Variants in OVCH2 observed in about 807,000 individuals in gnomAD.
The protein encoded by OVCH2 is ovochymase-2.
OVCH2 carries 88 observed loss-of-function variants against 73.7 expected under a neutral mutation model. The ratio of observed to expected loss-of-function variants is 1.19; its 90% confidence interval spans 1.01 to 1.43. The LOEUF (loss-of-function observed/expected upper bound fraction) is 1.43, where lower values mean the gene tolerates loss of function less well. Among genes scored for constraint, OVCH2 ranks in the 40% most tolerant of loss-of-function variants. The pLI, the probability that OVCH2 is intolerant of heterozygous loss-of-function variation, is 0.00. For synonymous variants in OVCH2, 265 were observed against 234.5 expected, an observed-to-expected ratio of 1.13 and a Z score of -1.19; for missense variants, 706 against 674.5, an observed-to-expected ratio of 1.05 and a Z score of -0.52.
chr11:7,701,504 C>T (rs1159031914), intron 5 of OVCH2, 29 bp from the exon 6 acceptor site: 3 of 1,600,238 alleles, frequency 1.9e-6, no homozygotes, highest in Non-Finnish European at 2.6e-6. Context: ...GAAGCCCCAG[C>T]AGGAACTCTT....
intron 14 of OVCH2, 136 bp from the exon 15 acceptor site, chr11:7,690,149 A>G: frequency 1.6e-6 from 1 of 613,282 alleles, no homozygotes; most frequent in South Asian, 2.3e-5. Context: ...GGTATTTCAA[A>G]TGAGGAGTGG....
At chr11:7,704,528 G>C in intron 2 of OVCH2, 37 bp downstream of exon 2, 3 of 1,372,666 alleles carry the variant, frequency 2.2e-6, no homozygotes, top group Non-Finnish European at 3.1e-6. Context: ...ATAATATCTA[G>C]CACAGTTCTT....
chr11:7,695,556 G>C lies in OVCH2; in HGVS notation c.1282+14C>G, dbSNP rs755109602. ...AGGTGGAGATAGTATGTGATTAAAA[G>C]TAAATGGTTTTACCAGGAATGTAGT... On this transcript the variant is annotated intron_variant, in intron 11 of 15. Transcript: ENST00000533663. 1.2e-5 allele frequency: 20 copies of C among 1,606,466 alleles called. No individual in the cohort carries two copies. The highest frequency in any genetic ancestry group is 1.7e-5 in the Non-Finnish European group (20 of 1,174,390).
chr11:7,695,819 A>G, intron 10 of OVCH2, 109 bp from the exon 11 acceptor site: 2 of 1,409,588 alleles, frequency 1.4e-6, no homozygotes, highest in Non-Finnish European at 1.9e-6. Flanking sequence ...TGTCCAATCC[A>G]AAGTTTCTCA....
At chr11:7,681,987 C>G in the OVCH2 span, among the ~76,000 whole-genome samples, 2 of 151,958 alleles carry the variant, frequency 1.3e-5, no homozygotes. Flanking sequence ...AAAACAGGAG[C>G]TTTTCAGAGA....
chr11:7,701,858 G>T, intron 4 of OVCH2, 47 bp from the exon 5 acceptor site: 3 of 1,496,164 alleles, frequency 2.0e-6, no homozygotes, highest in South Asian at 1.2e-5. Flanking sequence ...TGGAGGAGAG[G>T]ACACTATAAG....
rs113607038 is a variant in OVCH2 at position 7,691,792 on chromosome 11, G to A, written c.1507+110C>T. 700 of 782,344 alleles carry A rather than the reference G, an allele frequency of 8.9e-4. 2 individuals are homozygous for A. The highest frequency in any genetic ancestry group is 4.8e-3 in the African/African-American group (276 of 57,934). 48.5% of individuals were successfully genotyped at this position (782,344 alleles called of 1,614,324 possible). A position where few individuals can be genotyped will look rare whatever the true frequency, so the allele number is the denominator to read the frequency against. ...TGATGGTGAGACCACAGGGAGGGGTGGAGGTGGTGCAGGAAGATGGAGGAA... is the reference window on the plus strand; with the variant it reads ...TGATGGTGAGACCACAGGGAGGGGTAGAGGTGGTGCAGGAAGATGGAGGAA... On this transcript the variant is annotated intron_variant, in intron 13 of 15. Transcript: ENST00000533663.
In OVCH2 at chr11:7,691,966, T is replaced by C; in HGVS notation, c.1443A>G (p.Glu481=). 4 of 1,574,712 alleles carry C rather than the reference T, an allele frequency of 2.5e-6. No homozygotes were observed. Among genetic ancestry groups the C allele is most frequent in the Non-Finnish European group, 3.5e-6 (4 of 1,158,502 alleles). Residue 481 remains glutamate (E), a synonymous_variant, in exon 13 of 16, where the codon GAA becomes GAG. Transcript: ENST00000533663. The part of the protein sequence containing the change: ...KLSFQSLEIE[E]SGDCTSDYVT... Reference sequence around the variant, plus strand: ...CATAGTCGGAAGTGCAGTCTCCACTTTCTTCTATTTCCAGACTCTGAAATG... The same window carrying C: ...CATAGTCGGAAGTGCAGTCTCCACTCTCTTCTATTTCCAGACTCTGAAATG...
chr11:7,681,385 G>T, the OVCH2 span, among the ~76,000 whole-genome samples: 4 of 152,148 alleles, frequency 2.6e-5, no homozygotes, highest in Non-Finnish European at 5.9e-5. Context: ...CAACATAAAT[G>T]TGCCCATGGA....
At position 7,700,285 on chromosome 11, in the gene OVCH2, G is replaced by A. The variant is rs1295136884; in HGVS notation, c.901+11C>T. The stretch of plus-strand genomic sequence containing the variant: ...TGGCAGCTTCTTAACCTTGTGTGAT[G>A]GCTTAGTTACCAGTTTGGATGTGTT... On this transcript the variant is annotated intron_variant, in intron 7 of 15. Transcript: ENST00000533663. The A allele has an allele frequency of 1.2e-6, 2 of 1,612,202 alleles. No individual in the cohort carries two copies. Among genetic ancestry groups the A allele is most frequent in the South Asian group, 2.2e-5 (2 of 90,914 alleles).
intron 14 of OVCH2, among the ~76,000 whole-genome samples, chr11:7,690,396 T>A (rs1856198442): frequency 6.6e-6 from 1 of 152,224 alleles, no homozygotes; most frequent in East Asian, 1.9e-4. Flanking sequence ...GCCAAGTGTA[T>A]CTTATCTGAT....
intron 1 of OVCH2, chr11:7,705,616 G>C (rs1856516334): frequency 6.6e-6 from 1 of 152,202 alleles, no homozygotes; most frequent in Non-Finnish European, 1.5e-5. Flanking sequence ...GAGAATCAAG[G>C]AGACACACAG....
In OVCH2 at chr11:7,702,332, AT is replaced by A. The variant is rs769954967; in HGVS notation, c.291-4del. 1 of 1,581,066 alleles carries A rather than the reference AT, an allele frequency of 6.3e-7. No homozygotes were observed. The highest frequency in any genetic ancestry group is 8.6e-7 in the Non-Finnish European group (1 of 1,167,338). On this transcript the variant is annotated splice_polypyrimidine_tract_variant and splice_region_variant and intron_variant, in intron 3 of 15. Coordinates refer to ENST00000533663, the MANE Select transcript of OVCH2 (RefSeq NM_198185.7). ...CATTCAAAGTAGACACAATGTTTCT[AT>A]GGAAAGCAAAGAGTAAAATGAATGA...
chr11:7,695,735 T>A, intron 10 of OVCH2, 25 bp from the exon 11 acceptor site: 1 of 1,581,770 alleles, frequency 6.3e-7, no homozygotes, highest in Non-Finnish European at 8.6e-7. Flanking sequence ...AAAAGGATTC[T>A]TTGTTCAGAA....
chr11:7,695,276 T>A (rs1457641467), intron 11 of OVCH2, 88 bp from the exon 12 acceptor site: 1 of 1,390,332 alleles, frequency 7.2e-7, no homozygotes, highest in Non-Finnish European at 9.6e-7. Flanking sequence ...CTGAAAATGA[T>A]GCATATCAAT....
chr11:7,702,661 G>A (rs1413899866), intron 3 of OVCH2, among the ~76,000 whole-genome samples: 1 of 152,186 alleles, frequency 6.6e-6, no homozygotes, highest in Non-Finnish European at 1.5e-5. Flanking sequence ...GCTACCCTGG[G>A]AGGTTGACCT....
intron 5 of OVCH2, 66 bp downstream of exon 5, chr11:7,701,650 C>T: frequency 6.6e-7 from 1 of 1,515,524 alleles, no homozygotes; most frequent in Non-Finnish European, 9.0e-7. Flanking sequence ...TTAAAAATTC[C>T]ATTTTCTGAT....
chr11:7,702,581 T>C (rs1856465213), intron 3 of OVCH2, among the ~76,000 whole-genome samples: 1 of 152,182 alleles, frequency 6.6e-6, no homozygotes, highest in South Asian at 2.1e-4. Context: ...TTTGCAATGT[T>C]ATTTGAAAAT....
chr11:7,703,458 T>G (rs1382689680), intron 3 of OVCH2, among the ~76,000 whole-genome samples: 2 of 152,220 alleles, frequency 1.3e-5, no homozygotes, highest in African/African-American at 2.4e-5. Flanking sequence ...GATGCTATTA[T>G]TAACTTCCAG....
Sources: allele counts gnomAD v4.1 joint callset (sites outside exome capture counted in the v4.1 genomes callset), GRCh38; gene constraint gnomAD v4.1.1; transcripts MANE v1.5; gene names NCBI Gene and HGNC (gene_info 2026-07-23, HGNC 2026-07-21).